The following MICAL2 variants were observed in gnomAD, a reference collection of about 807,000 sequenced individuals.
The protein encoded by MICAL2 is microtubule associated monooxygenase, calponin and LIM domain containing 2.
Under a neutral mutation model 127.3 loss-of-function variants are expected in MICAL2, and 77 were observed. The observed-to-expected ratio is 0.60, with a 90% CI of 0.50 to 0.73. MICAL2 has a LOEUF of 0.73. Among genes scored for constraint, MICAL2 ranks in the 30% least tolerant of loss-of-function variants. MICAL2 has a pLI of 0.00. For missense variants in MICAL2, 1,351 were observed against 1,434.4 expected (o/e 0.94, Z 0.94); for synonymous variants, 570 against 551.1 (o/e 1.03, Z -0.48).
intron 3 of MICAL2, among the ~76,000 whole-genome samples, chr11:12,166,961 G>A (rs1266291204): frequency 6.6e-6 from 1 of 152,212 alleles, no homozygotes; most frequent in Non-Finnish European, 1.5e-5. Context: ...TGGGGTGCGG[G>A]GAAAGGGTGA....
intron 21 of MICAL2, among the ~76,000 whole-genome samples, chr11:12,245,801 C>A (rs1392839068): frequency 6.6e-6 from 1 of 152,194 alleles, no homozygotes; most frequent in Non-Finnish European, 1.5e-5. Flanking sequence ...GCAGGGTAGG[C>A]TTTTTGCCCA....
intron 32 of MICAL2, among the ~76,000 whole-genome samples, chr11:12,339,023 TCTC>T (rs1349661042): frequency 1.3e-5 from 2 of 152,198 alleles, no homozygotes; most frequent in Non-Finnish European, 2.9e-5. Context: ...TTGGGGAAGT[TCTC>T]CTGGATAATA....
chr11:12,292,900 G>A (rs1396403770), downstream of MICAL2, among the ~76,000 whole-genome samples: 1 of 152,142 alleles, frequency 6.6e-6, no homozygotes, highest in East Asian at 1.9e-4. Context: ...GGAGGGCACA[G>A]CCACCCCTAG....
chr11:12,282,782 T>C (rs1176843581), intron 2 of MICAL2, among the ~76,000 whole-genome samples: 1 of 152,244 alleles, frequency 6.6e-6, no homozygotes, highest in Non-Finnish European at 1.5e-5. Flanking sequence ...ATAGATGATA[T>C]TGAGAAATGT....
chr11:12,132,915 A>G (rs1464741499), intron 1 of MICAL2, among the ~76,000 whole-genome samples: 1 of 152,186 alleles, frequency 6.6e-6, no homozygotes, highest in African/African-American at 2.4e-5. Context: ...GCCCATGCAG[A>G]CTTCGGTGCT....
At chr11:12,171,643 G>C (rs887610430) in intron 3 of MICAL2, among the ~76,000 whole-genome samples, 5 of 152,184 alleles carry the variant, frequency 3.3e-5, no homozygotes, top group African/African-American at 9.7e-5. Context: ...ATTTGTAAGA[G>C]TGCATTCAGC....
chr11:12,236,652 T>G (rs1215899743), intron 16 of MICAL2, among the ~76,000 whole-genome samples: 2 of 152,242 alleles, frequency 1.3e-5, no homozygotes, highest in African/African-American at 4.8e-5. Context: ...CATTTGTGTT[T>G]CCTTTGCTTT....
chr11:12,135,302 A>G (rs1239839371), intron 1 of MICAL2, among the ~76,000 whole-genome samples: 1 of 152,174 alleles, frequency 6.6e-6, no homozygotes, highest in African/African-American at 2.4e-5. Context: ...TTACCTGCAT[A>G]ACTCATTTAA....
chr11:12,123,981 T>C lies in MICAL2; in HGVS notation c.-149+13255T>C, dbSNP rs1039477663. 8.0e-4 allele frequency among the ~76,000 whole-genome samples: 122 copies of C among 152,338 alleles called. 1 individual carries two copies. Among genetic ancestry groups the C allele is most frequent in the Non-Finnish European group, 3.8e-4 (26 of 68,028 alleles). On this transcript the variant is annotated intron_variant, in intron 1 of 27. Coordinates refer to ENST00000683283, the MANE Select transcript of MICAL2 (RefSeq NM_001282663.2). ...TCTCTTAATGCAGCCCAAGACTCTA[T>C]GAGCTTTGCTGGCAGCAGCATCACA...
At chr11:12,276,469 A>G (rs1863723138) in intron 1 of MICAL2, 1 of 221,896 alleles carries the variant, frequency 4.5e-6, no homozygotes, top group Non-Finnish European at 8.8e-6. Flanking sequence ...AGGCAGTGTC[A>G]TGCTGACTGT....
Position 12,209,603 on chromosome 11 carries a change from A to T in MICAL2, c.691+5A>T, listed in dbSNP as rs767429140. On this transcript the variant is annotated splice_donor_5th_base_variant and intron_variant, in intron 6 of 27. Coordinates refer to ENST00000683283, the MANE Select transcript of MICAL2 (RefSeq NM_001282663.2). Reference sequence around the variant, plus strand: ...GCCGCAGGAACACCCTGGAAGGTGAAGACTCTTCTTCTTGGTGTGGGAATG... The same window carrying T: ...GCCGCAGGAACACCCTGGAAGGTGATGACTCTTCTTCTTGGTGTGGGAATG... The T allele has an allele frequency of 6.2e-7, 1 of 1,609,722 alleles. No homozygotes were observed. Among genetic ancestry groups the T allele is most frequent in the Non-Finnish European group, 8.5e-7 (1 of 1,175,968 alleles).
At chr11:12,119,648 C>T (rs115811924) in intron 1 of MICAL2, among the ~76,000 whole-genome samples, 5 of 152,184 alleles carry the variant, frequency 3.3e-5, no homozygotes, top group African/African-American at 7.2e-5. Context: ...CCTCATAGGC[C>T]GCCTGCGGAT....
chr11:12,323,889 T>A lies in MICAL2; in HGVS notation c.5329-89T>A, dbSNP rs569270664. 2.4e-5 allele frequency: 33 copies of A among 1,389,174 alleles called. 1 individual carries two copies. In the South Asian group the frequency reaches 3.0e-4, roughly 13 times the overall value. 86.1% of individuals were successfully genotyped at this position (1,389,174 alleles called of 1,614,324 possible). ...GTAAGCAGTGGCTGGGAATCATTAG[T>A]TGGAGAGGGTAGAAGCCTATAACGA... On this transcript the variant is annotated intron_variant, in intron 30 of 34. Transcript: ENST00000646065.
At chr11:12,318,131 C>T (rs1864251192) in intron 29 of MICAL2, among the ~76,000 whole-genome samples, 1 of 152,146 alleles carries the variant, frequency 6.6e-6, no homozygotes, top group African/African-American at 2.4e-5. Flanking sequence ...ACTCAGGCAC[C>T]GCTAATATAC....
At chr11:12,350,577 G>A (rs975922099) in intron 33 of MICAL2, among the ~76,000 whole-genome samples, 2 of 152,114 alleles carry the variant, frequency 1.3e-5, no homozygotes, top group African/African-American at 2.4e-5. Flanking sequence ...CCAACCCCAG[G>A]AAGTAATTTT....
At chr11:12,323,212 A>T (rs1201204368) in intron 30 of MICAL2, among the ~76,000 whole-genome samples, 1 of 152,168 alleles carries the variant, frequency 6.6e-6, no homozygotes, top group Non-Finnish European at 1.5e-5. Context: ...ATATGCATCA[A>T]TTTAAAATTT....
chr11:12,248,413 C>T (rs1047034454), intron 21 of MICAL2, among the ~76,000 whole-genome samples: 3 of 152,196 alleles, frequency 2.0e-5, no homozygotes, highest in South Asian at 2.1e-4. Flanking sequence ...TAGTTACTTT[C>T]GCTCTTCCAG....
At position 12,270,400 on chromosome 11, in the gene MICAL2, C is replaced by A. The variant is rs567624170; in HGVS notation, c.3335-5586C>A. Among the ~76,000 whole-genome samples, 16 of 152,316 alleles carry A rather than the reference C, an allele frequency of 1.1e-4. No individual in the cohort carries two copies. The South Asian group carries it at 3.3e-3, about 32-fold the overall frequency. On this transcript the variant is annotated intron_variant, in intron 24 of 34. Coordinates refer to the MICAL2 transcript ENST00000646065. ...GACTGCTGGACGCGCTGGTGTGGGG[C>A]TGGAGGGCAGGATCCAAGGGGAAGC... is the stretch of plus-strand genomic sequence containing the variant.
At chr11:12,281,966 C>T (rs1170074427) in intron 2 of MICAL2, among the ~76,000 whole-genome samples, 1 of 152,190 alleles carries the variant, frequency 6.6e-6, no homozygotes, top group Non-Finnish European at 1.5e-5. Flanking sequence ...AACTTGCTGC[C>T]CAATGGCCCC....
Sources: gnomAD v4.1 joint callset for allele counts (sites outside exome capture counted in the v4.1 genomes callset) on GRCh38, gnomAD v4.1.1 for gene constraint, MANE v1.5 for transcripts, NCBI Gene and HGNC (gene_info 2026-07-23, HGNC 2026-07-21) for gene names.